The following TNRC6A variants were observed in gnomAD, a reference collection of about 807,000 sequenced individuals.
The protein encoded by TNRC6A is trinucleotide repeat containing adaptor 6A, also known as trinucleotide repeat-containing gene 6A protein.
Under a neutral mutation model 221.2 loss-of-function variants are expected in TNRC6A, and 44 were observed. The ratio of observed to expected loss-of-function variants is 0.20; its 90% confidence interval spans 0.16 to 0.26. The LOEUF (loss-of-function observed/expected upper bound fraction) is 0.26. Among genes scored for constraint, TNRC6A ranks in the 10% least tolerant of loss-of-function variants. The probability of loss-of-function intolerance (pLI) is 1.00; values close to 1 mark genes in which losing one functional copy is unlikely to be tolerated. For missense variants in TNRC6A, 2,199 were observed against 2,404.4 expected (o/e 0.91, Z 1.79); for synonymous variants, 847 against 838.5 (o/e 1.01, Z -0.18).
chr16:24,626,064 A>G (rs1900972409), intron 1 of TNRC6A, among the ~76,000 whole-genome samples: 1 of 152,156 alleles, frequency 6.6e-6, no homozygotes, highest in African/African-American at 2.4e-5. Flanking sequence ...GGTTTGTTAC[A>G]AAGGTATATT....
intron 12 of TNRC6A, 170 bp downstream of exon 12, chr16:24,804,489 A>T (rs2058390798): frequency 1.8e-6 from 2 of 1,093,646 alleles, no homozygotes; most frequent in South Asian, 1.8e-5. Context: ...AATTTATCAT[A>T]GAGGTTGCAT....
In TNRC6A at chr16:24,791,554, T is replaced by C. The variant is rs752926877; in HGVS notation, c.2912T>C (p.Leu971Pro). Residue 971 changes from leucine (L) to proline (P), a missense_variant, in exon 6 of 25, where the codon CTG becomes CCG. Coordinates refer to ENST00000395799, the MANE Select transcript of TNRC6A (RefSeq NM_014494.4). ...GGCAAACCTCCTGGTACAGGCTGGC[T>C]GGGGGGACCTATACCAGCCCCAGCA... ...ATGKPPGTGWLGGPIPAPAKE... is the reference protein window; with the variant it reads ...ATGKPPGTGWPGGPIPAPAKE... 1 of 1,549,788 alleles carries C rather than the reference T, an allele frequency of 6.5e-7. No individual in the cohort carries two copies.
At chr16:24,809,121 A>G (rs975301218) in intron 17 of TNRC6A, among the ~76,000 whole-genome samples, 1 of 152,254 alleles carries the variant, frequency 6.6e-6, no homozygotes, top group Non-Finnish European at 1.5e-5. Context: ...GTAAACTTAT[A>G]CATCTGGCTT....
chr16:24,658,487 A>G (rs139814896), intron 2 of TNRC6A, among the ~76,000 whole-genome samples: 2,771 of 152,120 alleles, frequency 0.018, 76 homozygotes, highest in African/African-American at 0.056. Context: ...TCTACCTCCC[A>G]AGTAGCTGGG....
chr16:24,702,182 C>CT lies in TNRC6A; in HGVS notation n.403-48531dup, dbSNP rs371770211. ...TTTTTTCTTTTCTTTTTTCTTTTTT[C>CT]TTTTTTTTTTTTTGAGGCAGGGTTT... is the stretch of plus-strand genomic sequence containing the variant. On this transcript the variant is annotated intron_variant and non_coding_transcript_variant, in intron 2 of 2. Coordinates refer to the TNRC6A transcript ENST00000566108. 3.9e-3 allele frequency among the ~76,000 whole-genome samples: 463 copies of CT among 119,388 alleles called. 6 individuals are homozygous for CT. Among genetic ancestry groups the CT allele is most frequent in the Non-Finnish European group, 5.6e-3 (318 of 57,232 alleles). The allele number at this position is 119,388 out of a possible 152,430, so 78.3% of individuals were successfully genotyped here. A position where few individuals can be genotyped will look rare whatever the true frequency, so the allele number is the denominator to read the frequency against.
chr16:24,801,048 C>G (rs1237233385), intron 11 of TNRC6A, among the ~76,000 whole-genome samples: 1 of 152,096 alleles, frequency 6.6e-6, no homozygotes, highest in African/African-American at 2.4e-5. Flanking sequence ...TTAAGAAATA[C>G]AGGAATAGCA....
At chr16:24,779,930 A>G (rs950470006) in intron 5 of TNRC6A, among the ~76,000 whole-genome samples, 1 of 152,166 alleles carries the variant, frequency 6.6e-6, no homozygotes, top group African/African-American at 2.4e-5. Context: ...CTGGGCTGCC[A>G]TTTTGGGGCT....
chr16:24,644,028 G>T (rs1261534648), intron 2 of TNRC6A, among the ~76,000 whole-genome samples: 2 of 151,776 alleles, frequency 1.3e-5, no homozygotes, highest in African/African-American at 4.8e-5. Flanking sequence ...AAATAAGAGG[G>T]CAGGCAATTC....
chr16:24,620,286 C>T (rs1437062014), intron 1 of TNRC6A, among the ~76,000 whole-genome samples: 6 of 152,160 alleles, frequency 3.9e-5, no homozygotes, highest in African/African-American at 1.4e-4. Flanking sequence ...TCATTGTACC[C>T]ACCTGTTAGG....
chr16:24,821,229 C>T (rs758332669), intron 22 of TNRC6A, among the ~76,000 whole-genome samples: 3 of 152,040 alleles, frequency 2.0e-5, no homozygotes, highest in Admixed American at 6.6e-5. Context: ...TTTTGGAGGC[C>T]GCAGACATCT....
chr16:24,647,831 C>G (rs569318466), intron 2 of TNRC6A, among the ~76,000 whole-genome samples: 1 of 152,150 alleles, frequency 6.6e-6, no homozygotes, highest in African/African-American at 2.4e-5. Context: ...AGGCTGGTCT[C>G]GAACTCCTGA....
intron 2 of TNRC6A, among the ~76,000 whole-genome samples, chr16:24,694,547 CA>C (rs2055819316): frequency 6.6e-6 from 1 of 150,382 alleles, no homozygotes; most frequent in South Asian, 2.1e-4. Flanking sequence ...CCCAGCTACT[CA>C]GGAGGCTGAG....
intron 4 of TNRC6A, among the ~76,000 whole-genome samples, chr16:24,770,938 CTT>C (rs2057577774): frequency 6.6e-6 from 1 of 152,152 alleles, no homozygotes; most frequent in Admixed American, 6.5e-5. Context: ...AACAGGAAGA[CTT>C]TATTTGCCTG....
intron 21 of TNRC6A, among the ~76,000 whole-genome samples, chr16:24,819,263 A>T (rs58702965): frequency 4.9e-4 from 75 of 152,264 alleles, no homozygotes; most frequent in African/African-American, 1.8e-3. Context: ...TAAGAAAAAG[A>T]GTTGATAGTG....
intron 2 of TNRC6A, among the ~76,000 whole-genome samples, chr16:24,720,708 G>C (rs966559486): frequency 8.3e-6 from 1 of 120,394 alleles, no homozygotes; most frequent in African/African-American, 3.4e-5. Context: ...AAAAAAAAAA[G>C]AAAGAAAGAA....
chr16:24,791,883 A>G (rs2058109744), intron 6 of TNRC6A, 66 bp downstream of exon 6: 1 of 1,426,660 alleles, frequency 7.0e-7, no homozygotes, highest in Non-Finnish European at 9.2e-7. Context: ...TTTGTATAAC[A>G]AAGTACTTGG....
intron 2 of TNRC6A, among the ~76,000 whole-genome samples, chr16:24,657,823 G>T (rs1464542526): frequency 1.3e-5 from 2 of 151,230 alleles, no homozygotes; most frequent in Non-Finnish European, 2.9e-5. Flanking sequence ...TTGCATTTTT[G>T]AGATAATTTT....
intron 5 of TNRC6A, among the ~76,000 whole-genome samples, chr16:24,779,753 T>G (rs906678630): frequency 1.4e-4 from 22 of 152,162 alleles, no homozygotes; most frequent in African/African-American, 5.3e-4. Context: ...CAAACATTCT[T>G]TGTTGTGAAC....
At chr16:24,620,534 G>A (rs1028005700) in intron 1 of TNRC6A, among the ~76,000 whole-genome samples, 5 of 152,212 alleles carry the variant, frequency 3.3e-5, no homozygotes, top group Admixed American at 6.5e-5. Flanking sequence ...CAGGCCAGGA[G>A]GGGTGGCTCA....
Sources: gnomAD v4.1 joint callset for allele counts (sites outside exome capture counted in the v4.1 genomes callset) on GRCh38, gnomAD v4.1.1 for gene constraint, MANE v1.5 for transcripts, NCBI Gene and HGNC (gene_info 2026-07-23, HGNC 2026-07-21) for gene names.